Variants in MGAT4C observed in about 807,000 individuals in gnomAD.
MGAT4C encodes MGAT4 family member C.
Under a neutral mutation model 40.1 loss-of-function variants are expected in MGAT4C, and 19 were observed. The observed-to-expected ratio is 0.47, with a 90% CI of 0.33 to 0.70. MGAT4C has a LOEUF of 0.70. Ranked by LOEUF, MGAT4C falls within the 30% of genes least tolerant of loss-of-function variation. The pLI is 0.02. For synonymous variants in MGAT4C, 181 were observed against 187.1 expected, an observed-to-expected ratio of 0.97 and a Z score of 0.27; for missense variants, 491 against 563.2, an observed-to-expected ratio of 0.87 and a Z score of 1.30.
At chr12:86,406,044 A>G (rs1281645195) in intron 3 of MGAT4C, among the ~76,000 whole-genome samples, 2 of 144,908 alleles carry the variant, frequency 1.4e-5, no homozygotes, top group East Asian at 2.0e-4. Flanking sequence ...AATTATATAT[A>G]ATTATTATAT....
intron 2 of MGAT4C, among the ~76,000 whole-genome samples, chr12:86,532,736 A>AT (rs879474215): frequency 1.4e-4 from 22 of 152,142 alleles, no homozygotes; most frequent in Non-Finnish European, 2.9e-4. Flanking sequence ...ACATTTTAAT[A>AT]TGAATGCCAT....
intron 1 of MGAT4C, among the ~76,000 whole-genome samples, chr12:86,062,683 G>T (rs1033709691): frequency 2.0e-5 from 3 of 151,758 alleles, no homozygotes; most frequent in African/African-American, 7.3e-5. Context: ...GAACATAAAT[G>T]ACCTGATGGA....
intron 2 of MGAT4C, among the ~76,000 whole-genome samples, chr12:86,550,252 A>G (rs893044808): frequency 1.7e-4 from 26 of 152,084 alleles, no homozygotes; most frequent in African/African-American, 5.8e-4. Flanking sequence ...TTTATAAACT[A>G]CCCTGTCTCA....
chr12:86,779,203 A>G (rs1023719405), intron 1 of MGAT4C, among the ~76,000 whole-genome samples: 6 of 152,110 alleles, frequency 3.9e-5, no homozygotes, highest in African/African-American at 1.4e-4. Context: ...AAGACAAAAT[A>G]TAAATTGTTA....
chr12:86,281,517 T>G (rs1175558186), intron 4 of MGAT4C, among the ~76,000 whole-genome samples: 2 of 152,074 alleles, frequency 1.3e-5, no homozygotes, highest in African/African-American at 2.4e-5. Flanking sequence ...GTTTTATAAA[T>G]AATTATTGGA....
At chr12:85,994,399 T>A (rs1301410073) in intron 2 of MGAT4C, among the ~76,000 whole-genome samples, 1 of 152,028 alleles carries the variant, frequency 6.6e-6, no homozygotes, top group Admixed American at 6.6e-5. Context: ...TTGAGAACAT[T>A]TACACCCATT....
chr12:86,781,688 C>T (rs940035504), intron 1 of MGAT4C, among the ~76,000 whole-genome samples: 17 of 151,930 alleles, frequency 1.1e-4, no homozygotes, highest in African/African-American at 3.9e-4. Flanking sequence ...TTCAGTGATA[C>T]CATTTTAGAC....
At chr12:86,241,675 G>T (rs958203437) in intron 1 of MGAT4C, among the ~76,000 whole-genome samples, 9 of 152,262 alleles carry the variant, frequency 5.9e-5, no homozygotes, top group Non-Finnish European at 1.0e-4. Flanking sequence ...GAGTGTATTA[G>T]CAGCAGTTGA....
chr12:86,509,379 A>G (rs527994175), intron 2 of MGAT4C, among the ~76,000 whole-genome samples: 47 of 152,188 alleles, frequency 3.1e-4, no homozygotes, highest in African/African-American at 1.0e-3. Context: ...GTAGATATGC[A>G]GCATTATTTC....
At chr12:86,376,818 CAGAGAGAGAG>C (rs34852259) in intron 3 of MGAT4C, among the ~76,000 whole-genome samples, 2 of 125,374 alleles carry the variant, frequency 1.6e-5, no homozygotes, top group Non-Finnish European at 3.3e-5. Context: ...GAGAGAGAGA[CAGAGAGAGAG>C]AGAGAGAGAG....
At chr12:86,678,354 C>T (rs988584574) in intron 2 of MGAT4C, among the ~76,000 whole-genome samples, 8 of 151,988 alleles carry the variant, frequency 5.3e-5, no homozygotes, top group African/African-American at 7.2e-5. Context: ...CTACCTTCAT[C>T]GCCTATTTTG....
At chr12:86,010,742 T>C (rs1472206030) in intron 2 of MGAT4C, among the ~76,000 whole-genome samples, 1 of 152,184 alleles carries the variant, frequency 6.6e-6, no homozygotes, top group African/African-American at 2.4e-5. Flanking sequence ...TAATCCCCAG[T>C]GTAACAGTAT....
intron 2 of MGAT4C, among the ~76,000 whole-genome samples, chr12:86,664,883 C>A (rs1964065781): frequency 6.6e-6 from 1 of 152,090 alleles, no homozygotes; most frequent in Admixed American, 6.5e-5. Flanking sequence ...TAGAATCAGA[C>A]ACATTATTCA....
chr12:86,587,050 T>A (rs1961078248), intron 2 of MGAT4C, among the ~76,000 whole-genome samples: 1 of 152,150 alleles, frequency 6.6e-6, no homozygotes. Context: ...TGAATGGTAT[T>A]GCCTAGGTTT....
chr12:86,023,405 GT>G (rs142545155), intron 2 of MGAT4C, among the ~76,000 whole-genome samples: 10,739 of 151,234 alleles, frequency 0.071, 541 homozygotes, highest in Middle Eastern at 0.24. Flanking sequence ...AGTGACTGCA[GT>G]TTTTTTTCTT....
chr12:86,255,886 T>C (rs555521866), intron 1 of MGAT4C, among the ~76,000 whole-genome samples: 1 of 152,198 alleles, frequency 6.6e-6, no homozygotes, highest in Non-Finnish European at 1.5e-5. Flanking sequence ...CCACTATTCT[T>C]TAATACTAAT....
chr12:85,975,009 C>T lies in MGAT4C; in HGVS notation c.*4280G>A, dbSNP rs897954313. 1.3e-5 allele frequency: 2 copies of T among 149,982 alleles called. No individual in the cohort carries two copies. Among genetic ancestry groups the T allele is most frequent in the Non-Finnish European group, 1.5e-5 (1 of 66,860 alleles). 9.3% of individuals were successfully genotyped at this position (149,982 alleles called of 1,614,324 possible). On this transcript the variant is annotated 3_prime_UTR_variant, in exon 5 of 5. Coordinates refer to ENST00000611864, the MANE Select transcript of MGAT4C (RefSeq NM_001351288.2). ...TAGATTCTAAACAACATCTTAGAAA[C>T]TAGGAAATGACTTTATGTTTCTTTG...
intron 1 of MGAT4C, among the ~76,000 whole-genome samples, chr12:86,236,434 C>T (rs965592782): frequency 3.3e-5 from 5 of 151,974 alleles, no homozygotes; most frequent in Non-Finnish European, 5.9e-5. Context: ...TCTGCCTATA[C>T]ATTATAAGCA....
chr12:86,235,020 G>C (rs1382141017), intron 1 of MGAT4C, among the ~76,000 whole-genome samples: 1 of 151,934 alleles, frequency 6.6e-6, no homozygotes, highest in East Asian at 1.9e-4. Flanking sequence ...ATTTTTAAAA[G>C]ACCTGTGCTT....
Sources: gnomAD v4.1 joint callset for allele counts (sites outside exome capture counted in the v4.1 genomes callset) on GRCh38, gnomAD v4.1.1 for gene constraint, MANE v1.5 for transcripts, NCBI Gene and HGNC (gene_info 2026-07-23, HGNC 2026-07-21) for gene names.